The following C12orf42 variants were observed in gnomAD, a reference collection of about 807,000 sequenced individuals.
C12orf42 encodes chromosome 12 open reading frame 42, also known as uncharacterized protein C12orf42.
C12orf42 carries 25 observed loss-of-function variants against 21.6 expected under a neutral mutation model. The observed-to-expected ratio is 1.16, with a 90% CI of 0.84 to 1.62. C12orf42 has a LOEUF of 1.62. Among genes scored for constraint, C12orf42 ranks in the 40% most tolerant of loss-of-function variants. C12orf42 has a pLI of 0.00. For missense variants in C12orf42, 483 were observed against 459.3 expected (o/e 1.05, Z -0.47); for synonymous variants, 174 against 175.0 (o/e 0.99, Z 0.05).
the C12orf42 span, among the ~76,000 whole-genome samples, chr12:103,106,482 T>A: frequency 6.6e-6 from 1 of 152,038 alleles, no homozygotes; most frequent in Non-Finnish European, 1.5e-5. Context: ...TTTAAAAAAA[T>A]ATGGAATTAT....
At chr12:103,378,312 AT>A (rs974679447) in intron 3 of C12orf42, among the ~76,000 whole-genome samples, 1 of 151,948 alleles carries the variant, frequency 6.6e-6, no homozygotes, top group Non-Finnish European at 1.5e-5. Context: ...GATTTGGATG[AT>A]TTTTTTTGTC....
At position 103,368,317 on chromosome 12, in the gene C12orf42, T is replaced by TCTCACA. The variant is rs1555271889; in HGVS notation, c.259+569_259+570insTGTGAG. Among the ~76,000 whole-genome samples, 1,304 of 146,608 alleles carry TCTCACA rather than the reference T, an allele frequency of 8.9e-3. 8 individuals are homozygous for TCTCACA. The highest frequency in any genetic ancestry group is 0.024 in the African/African-American group (923 of 38,978). ...TTCTCTCTCTTTCTGTCTCTCTCTC[T>TCTCACA]CACACACACACACACACACACACAC... On this transcript the variant is annotated intron_variant, in intron 4 of 5. Transcript: ENST00000548883.
chr12:103,553,711 C>T, the C12orf42 span, among the ~76,000 whole-genome samples: 1 of 152,132 alleles, frequency 6.6e-6, no homozygotes, highest in African/African-American at 2.4e-5. Flanking sequence ...TCACTGTGTT[C>T]AGAAGTAAAG....
chr12:103,272,812 C>A (rs577561715), intron 5 of C12orf42, among the ~76,000 whole-genome samples: 40 of 152,290 alleles, frequency 2.6e-4, no homozygotes, highest in African/African-American at 8.9e-4. Flanking sequence ...GTCTGCAGGA[C>A]ATGCAGCTAG....
intron 2 of C12orf42, among the ~76,000 whole-genome samples, chr12:103,442,022 T>C (rs1951278041): frequency 6.6e-6 from 1 of 152,038 alleles, no homozygotes; most frequent in African/African-American, 2.4e-5. Flanking sequence ...TGTGCACCTG[T>C]AGTCCCAGCT....
the C12orf42 span, among the ~76,000 whole-genome samples, chr12:103,054,524 G>C: frequency 6.6e-6 from 1 of 151,710 alleles, no homozygotes; most frequent in Non-Finnish European, 1.5e-5. Flanking sequence ...CATGTCACCT[G>C]TAAATAGGGA....
the C12orf42 span, among the ~76,000 whole-genome samples, chr12:103,546,073 G>A: frequency 6.6e-6 from 1 of 152,194 alleles, no homozygotes; most frequent in South Asian, 2.1e-4. Flanking sequence ...TTTAAACACT[G>A]AGAGAAAGTA....
intron 2 of C12orf42, among the ~76,000 whole-genome samples, chr12:103,424,607 G>C (rs1288403981): frequency 6.6e-6 from 1 of 152,200 alleles, no homozygotes; most frequent in African/African-American, 2.4e-5. Context: ...AGGAAGTTGT[G>C]AGGGACTGTG....
chr12:103,060,324 G>T, the C12orf42 span, among the ~76,000 whole-genome samples: 2 of 152,120 alleles, frequency 1.3e-5, no homozygotes, highest in Non-Finnish European at 2.9e-5. Context: ...GGAAATAAGA[G>T]AGGACAAAAA....
At chr12:103,170,138 T>C in the C12orf42 span, among the ~76,000 whole-genome samples, 397 of 152,302 alleles carry the variant, frequency 2.6e-3, no homozygotes, top group Non-Finnish European at 4.3e-3. Context: ...GAGTCTCCTT[T>C]GCTGGGTACT....
the C12orf42 span, among the ~76,000 whole-genome samples, chr12:103,191,543 C>CAAAAAAAAAAAAAAAAAAAAAAAA: frequency 1.7e-5 from 1 of 58,106 alleles, no homozygotes; most frequent in African/African-American, 7.5e-5. Context: ...CTCCACTCTA[C>CAAAAAAAAAAAAAAAAAAAAAAAA]AAAAAAAAAA....
the C12orf42 span, among the ~76,000 whole-genome samples, chr12:103,103,993 T>C: frequency 3.3e-5 from 5 of 152,202 alleles, no homozygotes; most frequent in Non-Finnish European, 7.3e-5. Flanking sequence ...GGCTACTATA[T>C]GTGGGCGTTG....
intron 2 of C12orf42, among the ~76,000 whole-genome samples, chr12:103,441,182 C>G (rs1951217978): frequency 6.6e-6 from 1 of 152,016 alleles, no homozygotes; most frequent in Non-Finnish European, 1.5e-5. Context: ...TTTGAGGCAC[C>G]CTTCCCCAAC....
At chr12:103,228,135 A>G in the C12orf42 span, among the ~76,000 whole-genome samples, 1 of 152,202 alleles carries the variant, frequency 6.6e-6, no homozygotes, top group African/African-American at 2.4e-5. Flanking sequence ...GAGACCACCA[A>G]ACAGGCTTTG....
At chr12:103,272,072 C>T (rs2035506310) in intron 5 of C12orf42, among the ~76,000 whole-genome samples, 1 of 152,088 alleles carries the variant, frequency 6.6e-6, no homozygotes, top group Non-Finnish European at 1.5e-5. Context: ...TATTAATATA[C>T]AGGATGCTGT....
intron 2 of C12orf42, among the ~76,000 whole-genome samples, chr12:103,462,825 GAAT>G (rs1377707071): frequency 6.6e-6 from 1 of 152,130 alleles, no homozygotes; most frequent in Non-Finnish European, 1.5e-5. Context: ...TATCTGTGGA[GAAT>G]AATAATAATG....
intron 2 of C12orf42, among the ~76,000 whole-genome samples, chr12:103,447,684 C>A (rs1211066739): frequency 6.6e-6 from 1 of 151,878 alleles, no homozygotes; most frequent in Non-Finnish European, 1.5e-5. Flanking sequence ...AACTCAACCC[C>A]TTTTACAACA....
the C12orf42 span, among the ~76,000 whole-genome samples, chr12:103,076,068 G>A: frequency 1.7e-4 from 26 of 152,130 alleles, no homozygotes; most frequent in African/African-American, 5.5e-4. Context: ...ATCACACACC[G>A]GGTCCTGTTG....
chr12:103,393,388 C>T (rs1464084483), intron 3 of C12orf42, among the ~76,000 whole-genome samples: 1 of 152,090 alleles, frequency 6.6e-6, no homozygotes, highest in Non-Finnish European at 1.5e-5. Flanking sequence ...CGCACTATCA[C>T]AAGAACAGTA....
Sources: gnomAD v4.1 joint callset for allele counts (sites outside exome capture counted in the v4.1 genomes callset) on GRCh38, gnomAD v4.1.1 for gene constraint, MANE v1.5 for transcripts, NCBI Gene and HGNC (gene_info 2026-07-23, HGNC 2026-07-21) for gene names.